The following NWD2 variants were observed in gnomAD, a reference collection of about 807,000 sequenced individuals.
NWD2 encodes the protein NACHT and WD repeat domain-containing protein 2.
Under a neutral mutation model 132.7 loss-of-function variants are expected in NWD2, and 37 were observed. That is an observed-to-expected ratio of 0.28 (90% CI 0.21 to 0.37). NWD2 has a LOEUF of 0.37. Ranked by LOEUF, NWD2 falls within the 10% of genes least tolerant of loss-of-function variation. NWD2 has a pLI of 1.00. For missense variants in NWD2, 1,592 were observed against 2,122.4 expected (o/e 0.75, Z 4.91); for synonymous variants, 705 against 803.0 (o/e 0.88, Z 2.06).
rs1286454492 is a variant in NWD2 at position 37,443,867 on chromosome 4, A to G, written c.1879A>G (p.Lys627Glu). The change falls in exon 7 of 7, where the codon AAA (lysine) becomes GAA (glutamate). Residue 627 changes from lysine (K) to glutamate (E), a missense_variant. Physicochemically the swap from Lys to Glu is moderately conservative, Grantham distance 56. Coordinates refer to ENST00000309447, the MANE Select transcript of NWD2 (RefSeq NM_001144990.2). The surrounding 1 kb of genome is among the most constrained non-coding windows in gnomAD (Gnocchi z 4.1). ...FREVRHWRSH[K>E]DVDESSLSVT... ...GGAGGTGAGGCACTGGAGATCTCAC[A>G]AAGACGTCGATGAATCCTCCCTCTC... The G allele has an allele frequency of 6.4e-7, 1 of 1,552,218 alleles. No individual in the cohort carries two copies. The highest frequency in any genetic ancestry group is 1.4e-5 in the African/African-American group (1 of 73,052).
intron 1 of NWD2, among the ~76,000 whole-genome samples, chr4:37,316,706 G>T (rs1441746420): frequency 6.6e-6 from 1 of 151,976 alleles, no homozygotes; most frequent in Non-Finnish European, 1.5e-5. Flanking sequence ...GATTATAATA[G>T]CTGATTTCAG....
Position 37,356,388 on chromosome 4 carries a change from T to A in NWD2, c.263T>A (p.Val88Glu). ...CAGGTCATAGATCTGTACTGGGGAG[T>A]GGAAGAAGATGAGTGGGACAGCCCA... ...EFQVIDLYWGVEEDEWDSPEL... is the reference protein window; with the variant it reads ...EFQVIDLYWGEEEDEWDSPEL... Residue 88 changes from valine (V) to glutamate (E), a missense_variant, in exon 3 of 7, where the codon GTG becomes GAG. By Grantham distance (121) the Val-to-Glu change is moderately radical. Coordinates refer to ENST00000309447, the MANE Select transcript of NWD2 (RefSeq NM_001144990.2). 6.5e-7 allele frequency: 1 copy of A among 1,550,102 alleles called. No homozygotes were observed. The highest frequency in any genetic ancestry group is 2.0e-5 in the Admixed American group (1 of 50,936).
intron 1 of NWD2, among the ~76,000 whole-genome samples, chr4:37,289,079 T>C (rs1718306312): frequency 6.6e-6 from 1 of 152,182 alleles, no homozygotes; most frequent in Non-Finnish European, 1.5e-5. Flanking sequence ...ATCTAGTGTT[T>C]TAGTTTTGTC....
chr4:37,339,610 G>A (rs28567666), intron 2 of NWD2, among the ~76,000 whole-genome samples: 8,995 of 152,222 alleles, frequency 0.059, 451 homozygotes, highest in African/African-American at 0.13. Flanking sequence ...AGGGGACTAC[G>A]TGTCCCCATT....
intron 1 of NWD2, among the ~76,000 whole-genome samples, chr4:37,247,238 A>G (rs1417102718): frequency 6.6e-6 from 1 of 152,248 alleles, no homozygotes; most frequent in East Asian, 1.9e-4. Flanking sequence ...AATGATCTGA[A>G]CGTGAAGCCT....
chr4:37,375,069 T>G (rs1313726564), intron 3 of NWD2, among the ~76,000 whole-genome samples: 2 of 152,240 alleles, frequency 1.3e-5, no homozygotes, highest in Non-Finnish European at 2.9e-5. Context: ...GCAAGGTGGT[T>G]CTACCTGTGT....
intron 1 of NWD2, among the ~76,000 whole-genome samples, chr4:37,301,436 T>TATCTAC (rs1718610137): frequency 6.6e-6 from 1 of 152,042 alleles, no homozygotes; most frequent in Admixed American, 6.6e-5. Context: ...TTTGTCCATT[T>TATCTAC]TTTTTCTGGA....
intron 1 of NWD2, among the ~76,000 whole-genome samples, chr4:37,315,858 C>G (rs1283530893): frequency 6.6e-6 from 1 of 151,850 alleles, no homozygotes; most frequent in Non-Finnish European, 1.5e-5. Context: ...ACTTGGTGCT[C>G]TGAGGATTAC....
chr4:37,277,733 T>A (rs1326292981), intron 1 of NWD2, among the ~76,000 whole-genome samples: 1 of 152,122 alleles, frequency 6.6e-6, no homozygotes, highest in Non-Finnish European at 1.5e-5. Context: ...TACTGACTAC[T>A]TTTTTCCTTG....
intron 1 of NWD2, among the ~76,000 whole-genome samples, chr4:37,317,456 T>G (rs1718981359): frequency 6.6e-6 from 1 of 152,180 alleles, no homozygotes; most frequent in African/African-American, 2.4e-5. Context: ...CTAACAATAC[T>G]GGTAGACATG....
At chr4:37,254,697 A>G (rs1717475766) in intron 1 of NWD2, among the ~76,000 whole-genome samples, 1 of 152,062 alleles carries the variant, frequency 6.6e-6, no homozygotes, top group African/African-American at 2.4e-5. Context: ...GTTAATGTAT[A>G]ATTAGAAAAA....
chr4:37,282,485 TC>T (rs1219956260), intron 1 of NWD2, among the ~76,000 whole-genome samples: 2 of 152,212 alleles, frequency 1.3e-5, no homozygotes, highest in Non-Finnish European at 2.9e-5. Flanking sequence ...GTAAACTGTC[TC>T]CCTGTTAAAT....
chr4:37,257,272 CTG>C (rs60187405), intron 1 of NWD2, among the ~76,000 whole-genome samples: 8 of 152,282 alleles, frequency 5.3e-5, no homozygotes, highest in Non-Finnish European at 1.2e-4. Context: ...AAAGGAATGA[CTG>C]TTGTTTTAAG....
At chr4:37,406,008 C>T (rs1262033152) in intron 3 of NWD2, among the ~76,000 whole-genome samples, 1 of 152,102 alleles carries the variant, frequency 6.6e-6, no homozygotes, top group Non-Finnish European at 1.5e-5. Context: ...GGTTTCTAAA[C>T]TGTTCAGGGT....
At chr4:37,335,050 A>C (rs532259907) in intron 2 of NWD2, among the ~76,000 whole-genome samples, 10 of 152,044 alleles carry the variant, frequency 6.6e-5, no homozygotes, top group Middle Eastern at 3.4e-3. Flanking sequence ...CAGCTGGTTC[A>C]TCCTCCACAA....
At chr4:37,433,846 G>A in intron 4 of NWD2, 30 bp from the exon 5 acceptor site, 1 of 1,489,384 alleles carries the variant, frequency 6.7e-7, no homozygotes, top group Non-Finnish European at 9.0e-7. Flanking sequence ...ATGATTGTAA[G>A]ACTAATTTCT....
intron 3 of NWD2, among the ~76,000 whole-genome samples, chr4:37,396,483 C>T (rs574411809): frequency 3.9e-5 from 6 of 152,256 alleles, no homozygotes; most frequent in East Asian, 3.9e-4. Context: ...AGTTGGTTGC[C>T]GTCACTATTC....
At chr4:37,391,946 G>A (rs140525435) in intron 3 of NWD2, among the ~76,000 whole-genome samples, 1 of 152,210 alleles carries the variant, frequency 6.6e-6, no homozygotes, top group African/African-American at 2.4e-5. Flanking sequence ...GCTCATGCCT[G>A]TCATCCCAGC....
chr4:37,248,727 G>A (rs1717293724), intron 1 of NWD2, among the ~76,000 whole-genome samples: 2 of 152,170 alleles, frequency 1.3e-5, no homozygotes, highest in East Asian at 1.9e-4. Context: ...AGAGTGTAAA[G>A]GCCCTCCTCT....
Sources: gnomAD v4.1 joint callset for allele counts (sites outside exome capture counted in the v4.1 genomes callset) on GRCh38, gnomAD v4.1.1 for gene constraint, Gnocchi (gnomAD v3.1) non-coding constraint, MANE v1.5 for transcripts, NCBI Gene and HGNC (gene_info 2026-07-23, HGNC 2026-07-21) for gene names.